MTFR1: variants seen among roughly 807,000 people sequenced by gnomAD.
MTFR1 encodes the protein chondrocyte protein with a poly-proline region.
Under a neutral mutation model 38.8 loss-of-function variants are expected in MTFR1, and 28 were observed. The observed-to-expected ratio is 0.72, with a 90% confidence interval of 0.53 to 0.99. The LOEUF (loss-of-function observed/expected upper bound fraction) is 0.99, where lower values mean the gene tolerates loss of function less well. MTFR1 is among the 50% of genes least tolerant of loss of function. MTFR1 has a pLI of 0.00. For missense variants in MTFR1, 358 were observed against 395.5 expected (o/e 0.91, Z 0.81); for synonymous variants, 145 against 137.0 (o/e 1.06, Z -0.41).
intron 3 of MTFR1, among the ~76,000 whole-genome samples, chr8:65,738,477 A>G (rs965393963): frequency 7.9e-5 from 12 of 152,238 alleles, no homozygotes; most frequent in Non-Finnish European, 1.6e-4. Flanking sequence ...TTCCTTCCTC[A>G]GGTAGAACCA....
intron 3 of MTFR1, among the ~76,000 whole-genome samples, chr8:65,765,262 G>C (rs1051147919): frequency 6.6e-6 from 1 of 151,796 alleles, no homozygotes; most frequent in South Asian, 2.1e-4. Flanking sequence ...GGCCGAGGCG[G>C]GCGGATCACG....
intron 3 of MTFR1, among the ~76,000 whole-genome samples, chr8:65,757,132 A>G (rs1808270924): frequency 6.6e-6 from 1 of 151,804 alleles, no homozygotes; most frequent in South Asian, 2.1e-4. Context: ...ATAGGGCAAG[A>G]CTCTCTCTGG....
At chr8:65,716,771 C>G (rs142132335) in intron 2 of MTFR1, among the ~76,000 whole-genome samples, 34 of 152,260 alleles carry the variant, frequency 2.2e-4, no homozygotes, top group African/African-American at 8.2e-4. Context: ...TGTACTGAAA[C>G]AGTGGGCCTG....
chr8:65,728,970 A>G (rs1426975611), intron 3 of MTFR1, among the ~76,000 whole-genome samples: 5 of 152,202 alleles, frequency 3.3e-5, no homozygotes, highest in Non-Finnish European at 7.4e-5. Context: ...ATGCAAAAAA[A>G]TATTTGATAT....
intron 2 of MTFR1, among the ~76,000 whole-genome samples, chr8:65,672,445 A>G (rs937656205): frequency 6.6e-6 from 1 of 152,220 alleles, no homozygotes; most frequent in Non-Finnish European, 1.5e-5. Context: ...ATATACAGGC[A>G]TAGCTTGGAG....
the MTFR1 span, among the ~76,000 whole-genome samples, chr8:65,778,202 G>A: frequency 6.6e-6 from 1 of 152,310 alleles, no homozygotes; most frequent in East Asian, 1.9e-4. Flanking sequence ...TGTTATGCCA[G>A]GGTCTGGGCC....
chr8:65,724,868 C>A, intron 3 of MTFR1: 1 of 1,610,434 alleles, frequency 6.2e-7, no homozygotes. Flanking sequence ...CTCATTCTGG[C>A]GACTGATGTC....
At chr8:65,717,483 T>A (rs757790874) in intron 2 of MTFR1, 3 of 152,238 alleles carry the variant, frequency 2.0e-5, no homozygotes, top group Non-Finnish European at 4.4e-5. Flanking sequence ...ACCTCTCCCC[T>A]GTGTTAGTCA....
intron 1 of MTFR1, among the ~76,000 whole-genome samples, chr8:65,662,886 C>T (rs898280147): frequency 2.0e-5 from 3 of 151,470 alleles, no homozygotes; most frequent in African/African-American, 4.8e-5. Flanking sequence ...CCCGGCCAGC[C>T]GCCCCGTCCT....
intron 3 of MTFR1, chr8:65,689,685 T>G: frequency 4.4e-6 from 4 of 905,032 alleles, no homozygotes; most frequent in Non-Finnish European, 5.9e-6. Context: ...TGTCAGTCCT[T>G]GCCAGGGCTG....
intron 3 of MTFR1, chr8:65,770,879 G>A (rs1228862742): frequency 6.1e-6 from 1 of 163,298 alleles, no homozygotes; most frequent in Non-Finnish European, 1.4e-5. Flanking sequence ...GTTTAGCATT[G>A]TTTCTTGTGT....
At chr8:65,657,114 A>G (rs1015080085) in intron 1 of MTFR1, among the ~76,000 whole-genome samples, 6 of 151,106 alleles carry the variant, frequency 4.0e-5, no homozygotes, top group Non-Finnish European at 7.4e-5. Flanking sequence ...CCTGAGTTCA[A>G]GTGATTCTCC....
chr8:65,724,226 AT>A, intron 3 of MTFR1: 2 of 1,382,180 alleles, frequency 1.4e-6, no homozygotes, highest in Non-Finnish European at 2.1e-6. Context: ...AACTGGATAG[AT>A]TAATTATCAC....
chr8:65,726,987 G>A, intron 3 of MTFR1: 1 of 1,351,194 alleles, frequency 7.4e-7, no homozygotes, highest in Non-Finnish European at 1.1e-6. Flanking sequence ...GGACGTTTCT[G>A]AGTTACTTAA....
At chr8:65,665,275 T>G (rs1224494531) in intron 1 of MTFR1, among the ~76,000 whole-genome samples, 1 of 152,168 alleles carries the variant, frequency 6.6e-6, no homozygotes, top group Non-Finnish European at 1.5e-5. Flanking sequence ...CCATCCTTTC[T>G]CCTTGCCTGT....
chr8:65,713,336 G>A (rs1037561113), downstream of MTFR1, among the ~76,000 whole-genome samples: 10 of 151,908 alleles, frequency 6.6e-5, no homozygotes, highest in African/African-American at 9.7e-5. Context: ...AACTACTCGG[G>A]AGGCTGAGAC....
At chr8:65,673,570 G>A (rs181771369) in intron 2 of MTFR1, among the ~76,000 whole-genome samples, 2 of 150,616 alleles carry the variant, frequency 1.3e-5, no homozygotes, top group East Asian at 2.0e-4. Context: ...AAACCTGCAC[G>A]TTCTGCACAT....
At chr8:65,665,902 G>A (rs1290292892) in intron 1 of MTFR1, among the ~76,000 whole-genome samples, 1 of 145,716 alleles carries the variant, frequency 6.9e-6, no homozygotes, top group African/African-American at 2.5e-5. Context: ...TTACTAAAAT[G>A]GCTTTATGCA....
downstream of MTFR1, among the ~76,000 whole-genome samples, chr8:65,712,217 G>A (rs557340341): frequency 3.3e-5 from 5 of 152,322 alleles, no homozygotes; most frequent in South Asian, 2.1e-4. Context: ...TACAGCTAGA[G>A]CATGGTTGGA....
Sources: gnomAD v4.1 joint callset for allele counts (sites outside exome capture counted in the v4.1 genomes callset) on GRCh38, gnomAD v4.1.1 for gene constraint, MANE v1.5 for transcripts, NCBI Gene and HGNC (gene_info 2026-07-23, HGNC 2026-07-21) for gene names.